The following EXOSC8 variants were observed in gnomAD, a reference collection of about 807,000 sequenced individuals.
EXOSC8 encodes exosome complex component RRP43.
Under a neutral mutation model 39.9 loss-of-function variants are expected in EXOSC8, and 37 were observed. The ratio of observed to expected loss-of-function variants is 0.93; its 90% confidence interval spans 0.71 to 1.22. EXOSC8 has a LOEUF of 1.22. EXOSC8 is among the 50% of genes most tolerant of loss of function. EXOSC8 has a pLI of 0.00. For synonymous variants in EXOSC8, 93 were observed against 109.5 expected (o/e 0.85, Z 0.94); for missense variants, 313 against 326.6 (o/e 0.96, Z 0.32).
In EXOSC8 at chr13:37,009,381, T is replaced by G; in HGVS notation, c.*82T>G. 3.8e-6 allele frequency: 3 copies of G among 791,398 alleles called. No individual in the cohort carries two copies. Among genetic ancestry groups the G allele is most frequent in the Non-Finnish European group, 6.2e-6 (3 of 481,920 alleles). The allele number at this position is 791,398 out of a possible 1,614,324, so 49.0% of individuals were successfully genotyped here. ...ACAAACGTTTTATACTAAATAAATA[T>G]CAAACTACATTCTTCTGAAAGATGT... On this transcript the variant is annotated 3_prime_UTR_variant, in exon 11 of 11. Transcript: ENST00000389704.
At chr13:37,007,676 GCTCT>G (rs1025698152) in intron 8 of EXOSC8, among the ~76,000 whole-genome samples, 39 of 152,204 alleles carry the variant, frequency 2.6e-4, no homozygotes, top group Non-Finnish European at 5.3e-4. Context: ...TAGATTCCTG[GCTCT>G]CTCACTCTGT....
rs937503188 is a variant in EXOSC8, at chr13:37,007,209, G to A, written c.487+138G>A. ...CTGACATGACTTTCCAAATATAGTTGATAGTTGTATATTCTCTAACTGAAT... is the reference window on the plus strand; with the variant it reads ...CTGACATGACTTTCCAAATATAGTTAATAGTTGTATATTCTCTAACTGAAT... On this transcript the variant is annotated intron_variant, in intron 8 of 10. Coordinates refer to ENST00000389704, the MANE Select transcript of EXOSC8 (RefSeq NM_181503.3). 6.1e-5 allele frequency: 41 copies of A among 673,532 alleles called. No homozygotes were observed. In the African/African-American group the frequency reaches 6.6e-4, roughly 11 times the overall value. 41.7% of individuals were successfully genotyped at this position (673,532 alleles called of 1,614,324 possible). A position where few individuals can be genotyped will look rare whatever the true frequency, so the allele number is the denominator to read the frequency against.
chr13:37,002,019 T>C (rs1593696997), intron 1 of EXOSC8, among the ~76,000 whole-genome samples: 1 of 152,240 alleles, frequency 6.6e-6, no homozygotes, highest in Non-Finnish European at 1.5e-5. Context: ...ATGATTCTTT[T>C]GACACAGATT....
rs961001051 is a variant in EXOSC8 at position 37,006,990 on chromosome 13, T to C, written c.406T>C (p.Tyr136His). The C allele has an allele frequency of 5.0e-6, 8 of 1,608,488 alleles. No individual in the cohort carries two copies. The highest frequency in any genetic ancestry group is 4.4e-5 in the South Asian group (4 of 90,988). The change falls in exon 8 of 11, where the codon TAC (tyrosine) becomes CAC (histidine). Residue 136 changes from tyrosine (Y) to histidine (H), a missense_variant. Transcript: ENST00000389704. ...TCTATTTTAGCTTGTCTGGGTTCTA[T>C]ACTGTGATCTCATTTGCCTCGACTA... The part of the protein sequence containing the change: ...ISPGKLVWVL[Y>H]CDLICLDYDG...
At chr13:37,003,326 A>T (rs2059118464) in intron 4 of EXOSC8, 1 of 231,046 alleles carries the variant, frequency 4.3e-6, no homozygotes, top group African/African-American at 2.3e-5. Flanking sequence ...TAATCTGTGT[A>T]AATGTGTAGA....
chr13:37,004,489 A>G (rs564088620), intron 4 of EXOSC8, 27 bp from the exon 5 acceptor site: 25 of 1,562,470 alleles, frequency 1.6e-5, no homozygotes, highest in African/African-American at 1.4e-4. Context: ...GCTTCTTTCA[A>G]TAGGAAACAT....
chr13:37,000,790 A>G lies in EXOSC8; in HGVS notation c.-16A>G. On this transcript the variant is annotated 5_prime_UTR_variant, in exon 1 of 11. Transcript: ENST00000389704. ...CAGGAGAGGAGCGGCGCAGGCGCAG[A>G]CGCGCGGGCGGGAAGATGGCGGCTG... The G allele has an allele frequency of 6.3e-7, 1 of 1,578,810 alleles. No homozygotes were observed. Among genetic ancestry groups the G allele is most frequent in the Non-Finnish European group, 8.6e-7 (1 of 1,162,704 alleles).
intron 3 of EXOSC8, 27 bp from the exon 4 acceptor site, chr13:37,002,906 GA>G: frequency 1.3e-6 from 2 of 1,517,280 alleles, no homozygotes; most frequent in Non-Finnish European, 1.8e-6. Context: ...TTCCTTTTAT[GA>G]ACCTTTCATT....
At chr13:37,002,124 T>C (rs1196547917) in intron 1 of EXOSC8, 149 bp from the exon 2 acceptor site, 2 of 572,636 alleles carry the variant, frequency 3.5e-6, no homozygotes, top group Non-Finnish European at 6.3e-6. Context: ...TGATTGCTAC[T>C]ACAAGGATTT....
chr13:37,006,865 A>G (rs965683160), intron 7 of EXOSC8, 110 bp from the exon 8 acceptor site: 1 of 657,928 alleles, frequency 1.5e-6, no homozygotes, highest in Admixed American at 2.9e-5. Flanking sequence ...GAGCCTTGAA[A>G]GTTATCTTGC....
intron 5 of EXOSC8, among the ~76,000 whole-genome samples, 181 bp from the exon 6 acceptor site, chr13:37,005,739 C>T (rs141189419): frequency 0.011 from 1,603 of 151,636 alleles, 21 homozygotes; most frequent in African/African-American, 0.037. Context: ...TGGCGTGTGC[C>T]TGTAATCTCA....
chr13:37,002,531 G>C lies in EXOSC8; in HGVS notation c.98G>C (p.Arg33Thr). 2.5e-6 allele frequency: 4 copies of C among 1,592,528 alleles called. No individual in the cohort carries two copies. The highest frequency in any genetic ancestry group is 3.4e-6 in the Non-Finnish European group (4 of 1,168,152). Residue 33 changes from arginine (R) to threonine (T), a missense_variant, in exon 3 of 11, where the codon AGA (arginine) becomes ACA (threonine). Arg to Thr is a moderately conservative substitution (Grantham distance 71, BLOSUM62 -1). Coordinates refer to ENST00000389704, the MANE Select transcript of EXOSC8 (RefSeq NM_181503.3). Reference sequence around the variant, plus strand: ...GATGGAAGAGAACTTGGTGAATTCAGAACCACAACTGTCAACATCGGTAAG... The same window carrying C: ...GATGGAAGAGAACTTGGTGAATTCACAACCACAACTGTCAACATCGGTAAG... ...RPDGRELGEF[R>T]TTTVNIGSIS...
At chr13:37,005,354 C>G (rs554951637) in intron 5 of EXOSC8, among the ~76,000 whole-genome samples, 1 of 151,776 alleles carries the variant, frequency 6.6e-6, no homozygotes, top group Admixed American at 6.6e-5. Flanking sequence ...CAGGAAAACT[C>G]GTAAAGGATT....
At chr13:37,002,864 T>G (rs2059115612) in intron 3 of EXOSC8, 70 bp from the exon 4 acceptor site, 2 of 1,041,146 alleles carry the variant, frequency 1.9e-6, no homozygotes, top group Non-Finnish European at 3.0e-6. Context: ...ACACTTAATT[T>G]TAATTATTAT....
Position 37,006,955 on chromosome 13 carries a change from T to G in EXOSC8, c.391-20T>G, listed in dbSNP as rs1328125508. On this transcript the variant is annotated intron_variant, in intron 7 of 10. Transcript: ENST00000389704. ...CCATTAGAAGACTTTAATTTCCTTT[T>G]GTGTTTAATTCTATTTTAGCTTGTC... The G allele has an allele frequency of 6.7e-7, 1 of 1,483,628 alleles. No homozygotes were observed. The highest frequency in any genetic ancestry group is 9.4e-7 in the Non-Finnish European group (1 of 1,061,504). 91.9% of individuals were successfully genotyped at this position (1,483,628 alleles called of 1,614,324 possible).
intron 1 of EXOSC8, 93 bp downstream of exon 1, chr13:37,000,915 A>G: frequency 7.2e-7 from 1 of 1,384,036 alleles, no homozygotes; most frequent in South Asian, 1.5e-5. Context: ...CTGGAGGCCG[A>G]CCCCGTTGGG....
In EXOSC8 at chr13:37,008,821, G is replaced by A; in HGVS notation, c.701G>A (p.Cys234Tyr). 6.2e-7 allele frequency: 1 copy of A among 1,605,154 alleles called. No homozygotes were observed. Among genetic ancestry groups the A allele is most frequent in the South Asian group, 1.1e-5 (1 of 90,536 alleles). The change falls in exon 10 of 11, where the codon TGT (cysteine) becomes TAT (tyrosine). Residue 234 changes from cysteine (C) to tyrosine (Y), a missense_variant. Physicochemically the swap from Cys to Tyr is radical, Grantham distance 194. Transcript: ENST00000389704. The stretch of plus-strand genomic sequence containing the variant: ...ATGGATGAGGAAGGCAAACTCTGTT[G>A]TCTTCACAAACCAGGCATGTTCCCG... ...IVMDEEGKLC[C>Y]LHKPGGSGLT...
intron 4 of EXOSC8, chr13:37,003,989 A>G (rs7984730): frequency 0.82 from 124,827 of 151,938 alleles, 52,158 homozygotes; most frequent in East Asian, 1. Flanking sequence ...CTCCTGCCTC[A>G]GCCTCCCAAG....
chr13:37,001,629 C>T (rs7329314), intron 1 of EXOSC8: 126,737 of 152,138 alleles, frequency 0.83, 53,421 homozygotes, highest in East Asian at 1. Context: ...TCCGAAGACA[C>T]GATATAGTAG....
Sources: allele counts gnomAD v4.1 joint callset (sites outside exome capture counted in the v4.1 genomes callset), GRCh38; gene constraint gnomAD v4.1.1; transcripts MANE v1.5; gene names NCBI Gene and HGNC (gene_info 2026-07-23, HGNC 2026-07-21).